The following ROBO2 variants were observed in gnomAD, a reference collection of about 807,000 sequenced individuals.
The protein encoded by ROBO2 is roundabout guidance receptor 2.
Under a neutral mutation model 160.8 loss-of-function variants are expected in ROBO2, and 53 were observed. The observed-to-expected ratio is 0.33, with a 90% confidence interval of 0.26 to 0.41. The LOEUF (loss-of-function observed/expected upper bound fraction) is 0.41. ROBO2 is among the 10% of genes least tolerant of loss of function. The pLI is 1.00. For missense variants in ROBO2, 1,577 were observed against 1,722.4 expected, an observed-to-expected ratio of 0.92 and a Z score of 1.49; for synonymous variants, 664 against 611.7, an observed-to-expected ratio of 1.09 and a Z score of -1.26.
chr3:76,039,176 G>A (rs17013690), intron 2 of ROBO2, among the ~76,000 whole-genome samples: 6,913 of 151,956 alleles, frequency 0.045, 434 homozygotes, highest in African/African-American at 0.12. Context: ...AGAAGGATGC[G>A]GTACAGTTTC....
intron 2 of ROBO2, among the ~76,000 whole-genome samples, chr3:76,411,615 A>C (rs1392727038): frequency 6.6e-6 from 1 of 152,116 alleles, no homozygotes. Flanking sequence ...CCACCACACC[A>C]GTTCACACAT....
At chr3:76,546,736 A>G (rs1003016167) in intron 2 of ROBO2, among the ~76,000 whole-genome samples, 1 of 151,922 alleles carries the variant, frequency 6.6e-6, no homozygotes, top group African/African-American at 2.4e-5. Context: ...CACTATCTTC[A>G]GTGTTTGACA....
chr3:77,183,996 C>T (rs114676262), intron 2 of ROBO2, among the ~76,000 whole-genome samples: 138 of 151,872 alleles, frequency 9.1e-4, no homozygotes, highest in African/African-American at 3.2e-3. Flanking sequence ...TATCTTTTCC[C>T]TTCTGATCCT....
intron 11 of ROBO2, chr3:77,564,586 A>G: frequency 2.4e-6 from 1 of 421,838 alleles, no homozygotes; most frequent in Non-Finnish European, 4.5e-6. Context: ...AATTCTTTTC[A>G]AGGTATATAT....
intron 2 of ROBO2, among the ~76,000 whole-genome samples, chr3:76,336,405 T>A (rs1012200177): frequency 1.3e-5 from 2 of 152,188 alleles, no homozygotes; most frequent in African/African-American, 2.4e-5. Context: ...TATAAAGGAA[T>A]AAGAAAATGG....
At chr3:76,614,242 A>G (rs1490133361) in intron 2 of ROBO2, among the ~76,000 whole-genome samples, 1 of 152,070 alleles carries the variant, frequency 6.6e-6, no homozygotes, top group Non-Finnish European at 1.5e-5. Flanking sequence ...CTCTCCCTTC[A>G]TGTCATAATG....
At chr3:76,259,945 G>T (rs1056481669) in intron 2 of ROBO2, among the ~76,000 whole-genome samples, 7 of 152,116 alleles carry the variant, frequency 4.6e-5, no homozygotes, top group African/African-American at 1.4e-4. Context: ...CATAAGCAGG[G>T]TAAAACCTAG....
At chr3:77,297,071 T>G (rs1359067636) in intron 2 of ROBO2, among the ~76,000 whole-genome samples, 5 of 152,082 alleles carry the variant, frequency 3.3e-5, no homozygotes, top group Admixed American at 6.6e-5. Flanking sequence ...ATCACAAAGT[T>G]GGAAAATGTA....
At chr3:77,372,462 G>A (rs2153477868) in intron 2 of ROBO2, among the ~76,000 whole-genome samples, 1 of 152,110 alleles carries the variant, frequency 6.6e-6, no homozygotes, top group East Asian at 1.9e-4. Context: ...AATAAATGAT[G>A]AGGTCCCATA....
chr3:77,105,980 C>T (rs542334717), intron 2 of ROBO2, among the ~76,000 whole-genome samples: 388 of 152,214 alleles, frequency 2.5e-3, no homozygotes, highest in Middle Eastern at 0.01. Flanking sequence ...CCCAGAAACC[C>T]TTTTCATATA....
chr3:76,503,052 G>A (rs1324976141), intron 2 of ROBO2, among the ~76,000 whole-genome samples: 1 of 151,914 alleles, frequency 6.6e-6, no homozygotes, highest in Non-Finnish European at 1.5e-5. Flanking sequence ...GCAAAGGGGA[G>A]TTATTAAGTA....
chr3:77,084,804 C>G (rs2069096960), intron 1 of ROBO2, among the ~76,000 whole-genome samples: 1 of 152,078 alleles, frequency 6.6e-6, no homozygotes, highest in Non-Finnish European at 1.5e-5. Flanking sequence ...ATAATTCAAG[C>G]AGAAAAAGAT....
chr3:76,255,335 C>T (rs1188192125), intron 2 of ROBO2, among the ~76,000 whole-genome samples: 1 of 152,046 alleles, frequency 6.6e-6, no homozygotes, highest in Non-Finnish European at 1.5e-5. Context: ...ACTATGAAAA[C>T]TCATAGAGCT....
chr3:76,176,941 C>T (rs542003801), intron 2 of ROBO2, among the ~76,000 whole-genome samples: 9 of 152,068 alleles, frequency 5.9e-5, no homozygotes, highest in Non-Finnish European at 5.9e-5. Context: ...GAATTTGAAC[C>T]GAGCTCCCTT....
At chr3:77,267,985 G>T (rs1281806147) in intron 2 of ROBO2, among the ~76,000 whole-genome samples, 1 of 152,094 alleles carries the variant, frequency 6.6e-6, no homozygotes, top group East Asian at 1.9e-4. Context: ...TGAAATAAAA[G>T]ATAAATATTA....
chr3:76,885,882 C>T (rs1208589124), intron 2 of ROBO2, among the ~76,000 whole-genome samples: 1 of 152,138 alleles, frequency 6.6e-6, no homozygotes, highest in Non-Finnish European at 1.5e-5. Flanking sequence ...AGAGATGCAA[C>T]TGGGACACAT....
intron 2 of ROBO2, among the ~76,000 whole-genome samples, chr3:76,108,659 T>C (rs2070065501): frequency 1.3e-5 from 2 of 151,718 alleles, no homozygotes; most frequent in Non-Finnish European, 2.9e-5. Context: ...GAATAATATC[T>C]GACATTACTA....
At chr3:76,859,483 C>G (rs970813325) in intron 2 of ROBO2, among the ~76,000 whole-genome samples, 8 of 152,122 alleles carry the variant, frequency 5.3e-5, no homozygotes, top group South Asian at 2.1e-4. Flanking sequence ...ATGATTCTAG[C>G]CTCTCCAGAA....
chr3:76,761,604 C>A (rs932105826), intron 2 of ROBO2, among the ~76,000 whole-genome samples: 1 of 151,738 alleles, frequency 6.6e-6, no homozygotes, highest in East Asian at 2.0e-4. Context: ...TTTCTCTGAT[C>A]TAGACTTTTG....
Sources: allele counts gnomAD v4.1 joint callset (sites outside exome capture counted in the v4.1 genomes callset), GRCh38; gene constraint gnomAD v4.1.1; transcripts MANE v1.5; gene names NCBI Gene and HGNC (gene_info 2026-07-23, HGNC 2026-07-21).